The following AFAP1 variants were observed in gnomAD, a reference collection of about 807,000 sequenced individuals.
The protein encoded by AFAP1 is actin filament associated protein 1.
Under a neutral mutation model 93.9 loss-of-function variants are expected in AFAP1, and 75 were observed. The observed-to-expected ratio is 0.80, with a 90% CI of 0.66 to 0.97. The LOEUF (loss-of-function observed/expected upper bound fraction) is 0.97, where lower values mean the gene tolerates loss of function less well. Ranked by LOEUF, AFAP1 falls within the 50% of genes least tolerant of loss-of-function variation. The pLI is 0.00. For missense variants in AFAP1, 1,201 were observed against 1,050.8 expected, an observed-to-expected ratio of 1.14 and a Z score of -1.98; for synonymous variants, 517 against 430.7, an observed-to-expected ratio of 1.20 and a Z score of -2.48.
At chr4:7,798,124 C>T (rs1299508553) in intron 10 of AFAP1, among the ~76,000 whole-genome samples, 3 of 112,134 alleles carry the variant, frequency 2.7e-5, no homozygotes, top group East Asian at 2.4e-4. Flanking sequence ...GGCTGGCTCA[C>T]AGCACTGCAA....
At chr4:7,769,094 G>T (rs1324446954) in intron 16 of AFAP1, 86 bp from the exon 17 acceptor site, 2 of 1,476,924 alleles carry the variant, frequency 1.4e-6, no homozygotes, top group African/African-American at 2.8e-5. Flanking sequence ...TTTCAAGGAA[G>T]AAATAAGTTT....
chr4:7,820,607 G>A (rs1560179412), intron 6 of AFAP1, among the ~76,000 whole-genome samples: 1 of 151,378 alleles, frequency 6.6e-6, no homozygotes, highest in Non-Finnish European at 1.5e-5. Context: ...GAGATGAGCC[G>A]AGAGAGAGAG....
intron 6 of AFAP1, among the ~76,000 whole-genome samples, chr4:7,836,584 C>T (rs1171615435): frequency 6.6e-6 from 1 of 152,168 alleles, no homozygotes; most frequent in Non-Finnish European, 1.5e-5. Flanking sequence ...GTAGCTGGGA[C>T]TACAGGAACG....
chr4:7,770,076 G>A (rs58387620), intron 16 of AFAP1, among the ~76,000 whole-genome samples: 1 of 152,356 alleles, frequency 6.6e-6, no homozygotes, highest in African/African-American at 2.4e-5. Flanking sequence ...GCGGTGCAGA[G>A]TGCTTCCCCA....
At chr4:7,912,948 G>A (rs954953662) in intron 1 of AFAP1, among the ~76,000 whole-genome samples, 5 of 152,106 alleles carry the variant, frequency 3.3e-5, no homozygotes, top group African/African-American at 9.7e-5. Flanking sequence ...TTGGGCTCAA[G>A]TTATCCTCCT....
At chr4:7,834,593 G>C (rs77921293) in intron 6 of AFAP1, among the ~76,000 whole-genome samples, 3,856 of 152,350 alleles carry the variant, frequency 0.025, 153 homozygotes, top group African/African-American at 0.078. Flanking sequence ...TACTATGATA[G>C]TAAGCAAGGC....
In AFAP1 at chr4:7,767,096, C is replaced by T. The variant is rs549447501; in HGVS notation, c.2418+1748G>A. Among the ~76,000 whole-genome samples the T allele has an allele frequency of 1.6e-4, 25 of 152,350 alleles. No homozygotes were observed. The South Asian group carries it at 5.2e-3, about 32-fold the overall frequency. On this transcript the variant is annotated intron_variant, in intron 17 of 17. Transcript: ENST00000420658. Reference sequence around the variant, plus strand: ...CAGCCAGGGGTCCCCTGTCACTGTTCTCAGAAATCCTGGGGAACCCTGCTC... The same window carrying T: ...CAGCCAGGGGTCCCCTGTCACTGTTTTCAGAAATCCTGGGGAACCCTGCTC...
intron 8 of AFAP1, among the ~76,000 whole-genome samples, chr4:7,812,233 G>C (rs915313763): frequency 2.0e-5 from 3 of 152,054 alleles, no homozygotes; most frequent in African/African-American, 7.3e-5. Flanking sequence ...AGGACAGCCC[G>C]AGTGCCCGGG....
At chr4:7,852,950 C>T (rs1389362531) in intron 4 of AFAP1, among the ~76,000 whole-genome samples, 1 of 152,174 alleles carries the variant, frequency 6.6e-6, no homozygotes, top group Non-Finnish European at 1.5e-5. Context: ...GGCTCTGTCT[C>T]CTCTGCGGGG....
At chr4:7,882,164 C>G (rs1196195427) in intron 1 of AFAP1, among the ~76,000 whole-genome samples, 1 of 152,134 alleles carries the variant, frequency 6.6e-6, no homozygotes, top group African/African-American at 2.4e-5. Context: ...ATGACACACT[C>G]CTCTGTGCAA....
At chr4:7,924,167 T>C (rs1355158438) in intron 1 of AFAP1, among the ~76,000 whole-genome samples, 1 of 152,234 alleles carries the variant, frequency 6.6e-6, no homozygotes, top group Non-Finnish European at 1.5e-5. Context: ...TTTCTATTCC[T>C]GGTTTTGCCA....
At chr4:7,862,867 C>A (rs891303887) in intron 3 of AFAP1, among the ~76,000 whole-genome samples, 1 of 152,110 alleles carries the variant, frequency 6.6e-6, no homozygotes, top group Non-Finnish European at 1.5e-5. Context: ...ATCTGAGATA[C>A]CCCTATGTTT....
At chr4:7,772,617 C>G (rs999811925) in intron 16 of AFAP1, 1 of 568,110 alleles carries the variant, frequency 1.8e-6, no homozygotes, top group African/African-American at 1.9e-5. Context: ...AACATTTCAG[C>G]GAGAGGTGAG....
chr4:7,823,593 T>G (rs1391935382), intron 6 of AFAP1, among the ~76,000 whole-genome samples: 1 of 152,090 alleles, frequency 6.6e-6, no homozygotes, highest in Non-Finnish European at 1.5e-5. Flanking sequence ...TCCCATCAGC[T>G]CCGACTTTCT....
At chr4:7,783,599 C>T (rs1414840364) in intron 12 of AFAP1, among the ~76,000 whole-genome samples, 1 of 152,254 alleles carries the variant, frequency 6.6e-6, no homozygotes, top group Admixed American at 6.5e-5. Context: ...AATACACACA[C>T]ACAAACAATT....
rs565621504 is a variant in AFAP1, at chr4:7,797,722, A to C, written c.1266+2720T>G. On this transcript the variant is annotated intron_variant, in intron 10 of 17. Transcript: ENST00000420658. ...ACGAAGATCTAGGACTCAGACCAGC[A>C]TGCTGTATGCATGGTAGTTTCCTGA... is the stretch of plus-strand genomic sequence containing the variant. Among the ~76,000 whole-genome samples the C allele has an allele frequency of 7.4e-4, 112 of 152,376 alleles. No homozygotes were observed. In the Middle Eastern group the frequency reaches 0.014, roughly 19 times the overall value.
intron 1 of AFAP1, among the ~76,000 whole-genome samples, chr4:7,917,857 G>A (rs1460795738): frequency 6.6e-6 from 1 of 152,152 alleles, no homozygotes; most frequent in African/African-American, 2.4e-5. Context: ...AGGTGGAAAC[G>A]CAACCTGACA....
rs1053351164 is a variant in AFAP1 at position 7,761,349 on chromosome 4, T to C, written c.*2416A>G. The C allele has an allele frequency of 2.0e-5, 3 of 152,242 alleles. No individual in the cohort carries two copies. Among genetic ancestry groups the C allele is most frequent in the African/African-American group, 4.8e-5 (2 of 41,470 alleles). The allele number at this position is 152,242 out of a possible 1,614,324, so 9.4% of individuals were successfully genotyped here. On this transcript the variant is annotated 3_prime_UTR_variant, in exon 18 of 18. Transcript: ENST00000420658. ...AACGTTTGCCTCCGCTTTAAAAGGC[T>C]TAGGGTTGTGGATGTGAATTACAAA...
chr4:7,901,557 C>G (rs1048133457), intron 1 of AFAP1, among the ~76,000 whole-genome samples: 1 of 152,208 alleles, frequency 6.6e-6, no homozygotes, highest in Admixed American at 6.5e-5. Context: ...TGCAGAGAAG[C>G]TGTGGCTGAG....
Sources: gnomAD v4.1 joint callset for allele counts (sites outside exome capture counted in the v4.1 genomes callset) on GRCh38, gnomAD v4.1.1 for gene constraint, MANE v1.5 for transcripts, NCBI Gene and HGNC (gene_info 2026-07-23, HGNC 2026-07-21) for gene names.